The following EVA1A variants were observed in gnomAD, a reference collection of about 807,000 sequenced individuals.
The protein encoded by EVA1A is eva-1 homolog A, regulator of programmed cell death.
Under a neutral mutation model 9.8 loss-of-function variants are expected in EVA1A, and 7 were observed. The observed-to-expected ratio is 0.71, with a 90% CI of 0.41 to 1.34. The LOEUF (loss-of-function observed/expected upper bound fraction) is 1.34, where lower values mean the gene tolerates loss of function less well. Ranked by LOEUF, EVA1A falls within the 40% of genes most tolerant of loss-of-function variation. The pLI, the probability that EVA1A is intolerant of heterozygous loss-of-function variation, is 0.01. For synonymous variants in EVA1A, 90 were observed against 85.6 expected, an observed-to-expected ratio of 1.05 and a Z score of -0.28; for missense variants, 206 against 205.9, an observed-to-expected ratio of 1.00 and a Z score of 0.00.
intron 2 of EVA1A, among the ~76,000 whole-genome samples, chr2:75,521,629 T>C (rs1675231837): frequency 6.6e-6 from 1 of 152,170 alleles, no homozygotes; most frequent in Non-Finnish European, 1.5e-5. Context: ...GTCATATTCA[T>C]AGAGACAGAA....
intron 1 of EVA1A, among the ~76,000 whole-genome samples, chr2:75,554,579 G>A (rs989817545): frequency 1.3e-5 from 2 of 152,186 alleles, no homozygotes; most frequent in Non-Finnish European, 1.5e-5. Context: ...TATCTGGAGC[G>A]GGATAAAGGG....
At chr2:75,544,254 T>A (rs886519255) in intron 1 of EVA1A, among the ~76,000 whole-genome samples, 2 of 152,180 alleles carry the variant, frequency 1.3e-5, no homozygotes, top group African/African-American at 4.8e-5. Context: ...CCTGGCCCCC[T>A]AGCGCCATGC....
chr2:75,528,298 C>A (rs748556143), intron 1 of EVA1A, among the ~76,000 whole-genome samples: 10 of 152,264 alleles, frequency 6.6e-5, no homozygotes, highest in South Asian at 2.1e-4. Flanking sequence ...TGCAGATGAG[C>A]ACAGAAGCTG....
At chr2:75,558,022 G>A (rs376853540) in intron 1 of EVA1A, among the ~76,000 whole-genome samples, 12 of 152,224 alleles carry the variant, frequency 7.9e-5, no homozygotes, top group Middle Eastern at 3.2e-3. Flanking sequence ...AGATGTGTGC[G>A]TGAATCTTGG....
intron 2 of EVA1A, chr2:75,518,850 T>C: frequency 1.0e-6 from 1 of 985,502 alleles, no homozygotes; most frequent in Non-Finnish European, 1.2e-6. Context: ...TGTGTGCCTT[T>C]GGCAGTGGTT....
At chr2:75,505,525 C>T (rs757168049) in intron 3 of EVA1A, among the ~76,000 whole-genome samples, 11 of 152,018 alleles carry the variant, frequency 7.2e-5, no homozygotes, top group African/African-American at 1.7e-4. Flanking sequence ...TGTGGGTATG[C>T]GTATAAATAT....
At chr2:75,508,378 G>A (rs1009341962) in intron 3 of EVA1A, among the ~76,000 whole-genome samples, 39 of 152,152 alleles carry the variant, frequency 2.6e-4, no homozygotes, top group African/African-American at 8.9e-4. Flanking sequence ...CTGGGAAAGA[G>A]AATACATGCC....
At chr2:75,515,307 G>C (rs564794005) in intron 3 of EVA1A, among the ~76,000 whole-genome samples, 9 of 152,318 alleles carry the variant, frequency 5.9e-5, no homozygotes, top group African/African-American at 2.2e-4. Context: ...GGTTTGAAAT[G>C]TTTGTTGTGA....
At chr2:75,506,646 A>G (rs1292447628) in intron 3 of EVA1A, among the ~76,000 whole-genome samples, 1 of 152,206 alleles carries the variant, frequency 6.6e-6, no homozygotes, top group Non-Finnish European at 1.5e-5. Flanking sequence ...AAAGCAGAAT[A>G]TCCATGATAC....
intron 1 of EVA1A, among the ~76,000 whole-genome samples, chr2:75,566,141 T>A (rs1027540650): frequency 1.3e-5 from 2 of 152,216 alleles, no homozygotes; most frequent in Non-Finnish European, 2.9e-5. Context: ...GAAATGAAAC[T>A]AGTCATTTGA....
At chr2:75,511,506 T>G (rs1284280613) in intron 3 of EVA1A, among the ~76,000 whole-genome samples, 2 of 152,202 alleles carry the variant, frequency 1.3e-5, no homozygotes, top group African/African-American at 4.8e-5. Context: ...TAATATATTA[T>G]TCAGTGAAAA....
chr2:75,508,491 T>G (rs796086427), intron 3 of EVA1A, among the ~76,000 whole-genome samples: 5 of 152,238 alleles, frequency 3.3e-5, no homozygotes, highest in African/African-American at 1.2e-4. Context: ...GCCTAATAAA[T>G]TTTTGGTCAG....
At chr2:75,509,124 A>G (rs531920935) in intron 3 of EVA1A, among the ~76,000 whole-genome samples, 2 of 152,204 alleles carry the variant, frequency 1.3e-5, no homozygotes, top group Non-Finnish European at 2.9e-5. Flanking sequence ...GTGGACACAC[A>G]GACACTGCCT....
At chr2:75,541,442 G>A (rs1044294541) in intron 1 of EVA1A, among the ~76,000 whole-genome samples, 6 of 152,158 alleles carry the variant, frequency 3.9e-5, no homozygotes, top group African/African-American at 1.4e-4. Context: ...ATGGACATAG[G>A]CAGGAAGGTT....
intron 1 of EVA1A, among the ~76,000 whole-genome samples, chr2:75,553,524 C>T (rs1489670700): frequency 2.0e-5 from 3 of 152,214 alleles, no homozygotes; most frequent in Non-Finnish European, 4.4e-5. Flanking sequence ...CTTGTTCATC[C>T]CTGTTTCCAG....
chr2:75,507,455 C>T (rs1674656652), intron 3 of EVA1A, among the ~76,000 whole-genome samples: 1 of 152,142 alleles, frequency 6.6e-6, no homozygotes, highest in Non-Finnish European at 1.5e-5. Context: ...TCTAGAATTT[C>T]CAAAGATAAT....
chr2:75,508,800 A>G (rs1296503631), intron 3 of EVA1A, among the ~76,000 whole-genome samples: 1 of 152,004 alleles, frequency 6.6e-6, no homozygotes, highest in African/African-American at 2.4e-5. Context: ...CAGCTTTAAA[A>G]TTTCTCTCTT....
chr2:75,501,353 A>T (rs1215158031), intron 3 of EVA1A, among the ~76,000 whole-genome samples: 1 of 152,202 alleles, frequency 6.6e-6, no homozygotes, highest in African/African-American at 2.4e-5. Flanking sequence ...TTAGTATGAA[A>T]CATTCTAAAG....
At chr2:75,562,078 G>T (rs539406818), upstream of EVA1A, among the ~76,000 whole-genome samples, 47 of 152,276 alleles carry the variant, frequency 3.1e-4, no homozygotes, top group African/African-American at 1.1e-3. Context: ...CCCTCGGGCC[G>T]CACTTGAACC....
Sources: allele counts gnomAD v4.1 joint callset (sites outside exome capture counted in the v4.1 genomes callset), GRCh38; gene constraint gnomAD v4.1.1; transcripts MANE v1.5; gene names NCBI Gene and HGNC (gene_info 2026-07-23, HGNC 2026-07-21).